The following PRSS38 variants were observed in gnomAD, a reference collection of about 807,000 sequenced individuals.
The protein encoded by PRSS38 is marapsin 2.
PRSS38 carries 22 observed loss-of-function variants against 26.8 expected under a neutral mutation model. The ratio of observed to expected loss-of-function variants is 0.82; its 90% CI spans 0.59 to 1.17. The LOEUF (loss-of-function observed/expected upper bound fraction) is 1.17. Ranked by LOEUF, PRSS38 falls within the 50% of genes most tolerant of loss-of-function variation. The probability of loss-of-function intolerance (pLI) is 0.00; values close to 1 mark genes in which losing one functional copy is unlikely to be tolerated. For synonymous variants in PRSS38, 175 were observed against 172.1 expected (o/e 1.02, Z -0.13); for missense variants, 427 against 422.7 (o/e 1.01, Z -0.09).
At chr1:227,830,584 C>T (rs1229058897) in intron 3 of PRSS38, among the ~76,000 whole-genome samples, 2 of 150,674 alleles carry the variant, frequency 1.3e-5, no homozygotes, top group African/African-American at 2.4e-5. Flanking sequence ...TAACTACAAC[C>T]TCCGCCTCTG....
At chr1:227,834,203 G>A (rs1234155392) in intron 3 of PRSS38, among the ~76,000 whole-genome samples, 2 of 152,164 alleles carry the variant, frequency 1.3e-5, no homozygotes, top group Admixed American at 6.5e-5. Context: ...ACACCTTAAC[G>A]TCAGACTTCA....
chr1:227,842,410 T>C (rs1665350801), intron 3 of PRSS38, among the ~76,000 whole-genome samples: 1 of 151,870 alleles, frequency 6.6e-6, no homozygotes, highest in Non-Finnish European at 1.5e-5. Flanking sequence ...AATTCTCAGA[T>C]CAAAAAAAAA....
exon 3 of PRSS38, chr1:227,817,435 A>G: frequency 1.2e-6 from 2 of 1,614,178 alleles, no homozygotes; most frequent in South Asian, 1.1e-5. Context: ...GAACCTTACC[A>G]GTGCCAATTG....
chr1:227,846,067 T>G lies in PRSS38; in HGVS notation c.840T>G (p.Ser280Arg). ...CTCTGTACCCTGGAGTGTATGCCAG[T>G]GTTTCCTATTTCTCAAAATGGATAT... The change falls in exon 5 of 5, where the codon AGT (serine) becomes AGG (arginine). Residue 280 changes from serine to arginine, a missense_variant. Coordinates refer to ENST00000366757, the Ensembl canonical transcript of PRSS38. 1.9e-6 allele frequency: 3 copies of G among 1,614,220 alleles called. No homozygotes were observed. In the South Asian group the frequency reaches 3.3e-5, roughly 18 times the overall value.
chr1:227,822,031 C>T lies in PRSS38; in HGVS notation c.583+4551C>T, dbSNP rs942266250. 2.6e-5 allele frequency among the ~76,000 whole-genome samples: 4 copies of T among 151,970 alleles called. No homozygotes were observed. In the South Asian group the frequency reaches 8.3e-4, roughly 32 times the overall value. ...TCTTTACTTTCCTTCCTCTTTTTTCCTTTCTAATCCTTAGATTTTATAATC... is the reference window on the plus strand; with the variant it reads ...TCTTTACTTTCCTTCCTCTTTTTTCTTTTCTAATCCTTAGATTTTATAATC... On this transcript the variant is annotated intron_variant, in intron 3 of 4. Coordinates refer to ENST00000366757, the Ensembl canonical transcript of PRSS38.
intron 3 of PRSS38, among the ~76,000 whole-genome samples, chr1:227,834,820 C>G (rs368472965): frequency 6.6e-6 from 1 of 151,968 alleles, no homozygotes; most frequent in East Asian, 1.9e-4. Flanking sequence ...GGTAACAGAC[C>G]TAAATTGTCT....
intron 3 of PRSS38, among the ~76,000 whole-genome samples, chr1:227,820,431 G>A (rs1664986868): frequency 6.6e-6 from 1 of 151,930 alleles, no homozygotes; most frequent in Non-Finnish European, 1.5e-5. Context: ...TATGATGTTA[G>A]CTGTCAGTTT....
At chr1:227,817,326 G>A in exon 3 of PRSS38, 1 of 1,614,216 alleles carries the variant, frequency 6.2e-7, no homozygotes, top group Non-Finnish European at 8.5e-7. Flanking sequence ...CATATGAGAT[G>A]TACCACCCCA....
chr1:227,836,739 A>G (rs1310579756), intron 3 of PRSS38, among the ~76,000 whole-genome samples: 1 of 151,982 alleles, frequency 6.6e-6, no homozygotes, highest in Admixed American at 6.6e-5. Flanking sequence ...TTCATTGGAA[A>G]CTCTCATCTT....
At chr1:227,823,291 C>T (rs1401647397) in intron 3 of PRSS38, among the ~76,000 whole-genome samples, 2 of 151,718 alleles carry the variant, frequency 1.3e-5, no homozygotes, top group Non-Finnish European at 2.9e-5. Flanking sequence ...AGTAGTATTC[C>T]ATGGTGTGTA....
At chr1:227,842,933 A>G (rs1665360401) in intron 3 of PRSS38, among the ~76,000 whole-genome samples, 1 of 152,164 alleles carries the variant, frequency 6.6e-6, no homozygotes, top group Admixed American at 6.5e-5. Flanking sequence ...AAGTATATCC[A>G]TGGATTCCCA....
At chr1:227,842,579 ACTT>A (rs1332171055) in intron 3 of PRSS38, among the ~76,000 whole-genome samples, 3 of 150,098 alleles carry the variant, frequency 2.0e-5, no homozygotes, top group Non-Finnish European at 3.0e-5. Context: ...CTCTGAGGGA[ACTT>A]CTTTTTTTTT....
intron 3 of PRSS38, among the ~76,000 whole-genome samples, chr1:227,844,512 T>C: frequency 7.5e-6 from 1 of 133,524 alleles, no homozygotes; most frequent in African/African-American, 2.9e-5. Context: ...CAGTGCTCCT[T>C]CCGGTTTGTG....
intron 3 of PRSS38, among the ~76,000 whole-genome samples, chr1:227,837,211 G>A (rs1367036261): frequency 6.6e-6 from 1 of 152,142 alleles, no homozygotes; most frequent in Admixed American, 6.5e-5. Context: ...CCAAGATAAA[G>A]GACATTTCCT....
At chr1:227,820,321 T>C (rs1417839244) in intron 3 of PRSS38, among the ~76,000 whole-genome samples, 3 of 152,132 alleles carry the variant, frequency 2.0e-5, no homozygotes, top group Non-Finnish European at 4.4e-5. Flanking sequence ...AAATTATTTG[T>C]CTAGAATTTC....
At chr1:227,834,255 A>ACT (rs1255456777) in intron 3 of PRSS38, among the ~76,000 whole-genome samples, 1 of 152,186 alleles carries the variant, frequency 6.6e-6, no homozygotes, top group Non-Finnish European at 1.5e-5. Flanking sequence ...GTCGTTTGAA[A>ACT]CTGCCCAGTT....
intron 3 of PRSS38, among the ~76,000 whole-genome samples, chr1:227,829,980 T>C (rs1273987878): frequency 6.6e-6 from 1 of 152,212 alleles, no homozygotes; most frequent in Non-Finnish European, 1.5e-5. Flanking sequence ...AAGACTTCTT[T>C]GGTTCCTAGT....
At chr1:227,823,777 T>C (rs1471224288) in intron 3 of PRSS38, among the ~76,000 whole-genome samples, 1 of 152,226 alleles carries the variant, frequency 6.6e-6, no homozygotes, top group African/African-American at 2.4e-5. Context: ...GCACTATACT[T>C]CTTGTACAGT....
At chr1:227,815,685 AG>A (rs1387912168), upstream of PRSS38, 1 of 1,544,118 alleles carries the variant, frequency 6.5e-7, no homozygotes. Flanking sequence ...GTCGGGAGCT[AG>A]TCACCCGCTG....
Sources: gnomAD v4.1 joint callset for allele counts (sites outside exome capture counted in the v4.1 genomes callset) on GRCh38, gnomAD v4.1.1 for gene constraint, MANE v1.5 for transcripts, NCBI Gene and HGNC (gene_info 2026-07-23, HGNC 2026-07-21) for gene names.